The following SRGAP2 variants were observed in gnomAD, a reference collection of about 807,000 sequenced individuals.
SRGAP2 encodes SLIT-ROBO Rho GTPase-activating protein 2.
In SRGAP2, 15 loss-of-function variants were observed where a neutral mutation model predicts 57.2. That is an observed-to-expected ratio of 0.26 (90% CI 0.18 to 0.40). The LOEUF (loss-of-function observed/expected upper bound fraction) is 0.40. SRGAP2 is among the 10% of genes least tolerant of loss of function. SRGAP2 has a pLI of 1.00. For synonymous variants in SRGAP2, 249 were observed against 248.0 expected (o/e 1.00, Z -0.04); for missense variants, 520 against 669.6 (o/e 0.78, Z 2.47).
intron 3 of SRGAP2, among the ~76,000 whole-genome samples, chr1:206,324,397 T>C (rs1252085068): frequency 1.3e-5 from 2 of 152,380 alleles, no homozygotes; most frequent in East Asian, 3.9e-4. Context: ...TTTCTAGACG[T>C]TTATACCCTT....
At chr1:206,334,402 T>C (rs1674617850) in intron 3 of SRGAP2, among the ~76,000 whole-genome samples, 1 of 151,780 alleles carries the variant, frequency 6.6e-6, no homozygotes, top group South Asian at 2.1e-4. Flanking sequence ...CTGATGACTG[T>C]GTAGACTTCA....
rs1185692803 is a variant in SRGAP2, at chr1:206,463,131, C to T, written c.*1711C>T. ...CAACCTGCGAAATTGGTAGTTAGGT[C>T]TATGGAAAGTGGTAGGATTTTTTTT... On this transcript the variant is annotated 3_prime_UTR_variant, in exon 23 of 23. Coordinates refer to ENST00000573034, the MANE Select transcript of SRGAP2 (RefSeq NM_015326.5). 4.1e-5 allele frequency: 6 copies of T among 146,720 alleles called. No individual in the cohort carries two copies. Among genetic ancestry groups the T allele is most frequent in the African/African-American group, 1.5e-4 (6 of 39,654 alleles). 9.1% of individuals were successfully genotyped at this position (146,720 alleles called of 1,614,324 possible).
chr1:206,289,175 T>A (rs1333589824), intron 2 of SRGAP2, among the ~76,000 whole-genome samples: 2 of 140,684 alleles, frequency 1.4e-5, no homozygotes, highest in Non-Finnish European at 3.1e-5. Flanking sequence ...TTTTGTTTTA[T>A]CTGTATCCCT....
chr1:206,291,336 G>A (rs1301955107), intron 2 of SRGAP2, among the ~76,000 whole-genome samples: 8 of 152,226 alleles, frequency 5.3e-5, no homozygotes, highest in African/African-American at 1.9e-4. Flanking sequence ...GGGAGGAATT[G>A]TGGTTGCCTT....
intron 17 of SRGAP2, among the ~76,000 whole-genome samples, chr1:206,441,268 G>A (rs1260506164): frequency 6.6e-6 from 1 of 152,174 alleles, no homozygotes; most frequent in Non-Finnish European, 1.5e-5. Context: ...AACCCTTAAG[G>A]GAGAAACCAG....
intron 2 of SRGAP2, among the ~76,000 whole-genome samples, chr1:206,283,731 G>A (rs1444876640): frequency 6.8e-6 from 1 of 146,544 alleles, no homozygotes; most frequent in Non-Finnish European, 1.5e-5. Flanking sequence ...AACCCCCTCA[G>A]GAATTTAAAA....
intron 13 of SRGAP2, 71 bp downstream of exon 13, chr1:206,421,345 G>A (rs1660287854): frequency 2.5e-5 from 18 of 712,534 alleles, no homozygotes; most frequent in Admixed American, 1.9e-4. Flanking sequence ...TTTATTGAGC[G>A]CCACTGTGTG....
In SRGAP2 at chr1:206,372,898, CCTTTCTTT is replaced by C. The variant is rs1192198662; in HGVS notation, c.424-11063_424-11056del. ...TAGATTCCTTTCTTTCTTTCTCTCTCCTTTCTTTCTTTCTTTCTTTCTTTCTTTCTTTC... is the reference window on the plus strand; with the variant it reads ...TAGATTCCTTTCTTTCTTTCTCTCTCCTTTCTTTCTTTCTTTCTTTCTTTC... On this transcript the variant is annotated intron_variant, in intron 4 of 22. Coordinates refer to ENST00000573034, the MANE Select transcript of SRGAP2 (RefSeq NM_015326.5). Among the ~76,000 whole-genome samples the C allele has an allele frequency of 1.6e-3, 44 of 26,738 alleles. 1 individual carries two copies. Among genetic ancestry groups the C allele is most frequent in the Non-Finnish European group, 2.5e-3 (37 of 14,768 alleles). 17.5% of individuals were successfully genotyped at this position (26,738 alleles called of 152,430 possible).
intron 2 of SRGAP2, among the ~76,000 whole-genome samples, chr1:206,241,493 AAGTGGG>A (rs2102551499): frequency 6.7e-6 from 1 of 150,264 alleles, no homozygotes; most frequent in African/African-American, 2.4e-5. Context: ...CTCTGTGATG[AAGTGGG>A]CCACCCTAGG....
intron 2 of SRGAP2, among the ~76,000 whole-genome samples, chr1:206,208,778 A>G (rs562099463): frequency 4.0e-4 from 61 of 151,892 alleles, no homozygotes; most frequent in African/African-American, 1.5e-3. Context: ...TACAGATGCC[A>G]AGATAAAAAG....
intron 2 of SRGAP2, among the ~76,000 whole-genome samples, chr1:206,231,420 C>G (rs1329849211): frequency 6.6e-6 from 1 of 151,112 alleles, no homozygotes; most frequent in Admixed American, 6.6e-5. Context: ...GGAGGGCACT[C>G]TGGGGGAAGT....
intron 2 of SRGAP2, among the ~76,000 whole-genome samples, chr1:206,240,777 G>A (rs1668174010): frequency 6.6e-6 from 1 of 152,178 alleles, no homozygotes; most frequent in Non-Finnish European, 1.5e-5. Flanking sequence ...TAGGAACTGG[G>A]ATCCAGGATC....
chr1:206,419,304 A>G, intron 11 of SRGAP2, 69 bp from the exon 12 acceptor site: 1 of 776,142 alleles, frequency 1.3e-6, no homozygotes, highest in Non-Finnish European at 2.4e-6. Context: ...GGTAGTTACT[A>G]GGAGTGGGTC....
At chr1:206,425,692 G>A (rs1361456315) in intron 13 of SRGAP2, among the ~76,000 whole-genome samples, 2 of 151,624 alleles carry the variant, frequency 1.3e-5, no homozygotes, top group Non-Finnish European at 2.9e-5. Flanking sequence ...GCACCACAAC[G>A]CCTGGCTTAT....
intron 10 of SRGAP2, 31 bp from the exon 11 acceptor site, chr1:206,415,858 G>A (rs1553361630): frequency 1.3e-6 from 1 of 767,120 alleles, no homozygotes; most frequent in Non-Finnish European, 2.4e-6. Context: ...TCAGGAGTCT[G>A]ATTGCTCTTT....
At chr1:206,456,917 A>G (rs1553378676) in intron 21 of SRGAP2, among the ~76,000 whole-genome samples, 1 of 152,058 alleles carries the variant, frequency 6.6e-6, no homozygotes, top group Non-Finnish European at 1.5e-5. Context: ...ATCTCCCTTC[A>G]AGACTCAGTC....
intron 2 of SRGAP2, among the ~76,000 whole-genome samples, chr1:206,254,624 A>C: frequency 7.1e-6 from 1 of 141,380 alleles, no homozygotes; most frequent in Non-Finnish European, 1.6e-5. Flanking sequence ...GCTTTCTGGC[A>C]AAAAAAAAAA....
chr1:206,389,665 G>T (rs1553349666), intron 5 of SRGAP2, among the ~76,000 whole-genome samples: 2 of 151,746 alleles, frequency 1.3e-5, no homozygotes, highest in African/African-American at 4.8e-5. Context: ...CATTCTTTTT[G>T]TTTTTCTCAA....
At chr1:206,426,901 C>G (rs1037372616) in intron 13 of SRGAP2, among the ~76,000 whole-genome samples, 2 of 152,138 alleles carry the variant, frequency 1.3e-5, no homozygotes, top group Admixed American at 6.5e-5. Context: ...GATATCTTCT[C>G]CCATTCTTTA....
Sources: allele counts gnomAD v4.1 joint callset (sites outside exome capture counted in the v4.1 genomes callset), GRCh38; gene constraint gnomAD v4.1.1; transcripts MANE v1.5; gene names NCBI Gene and HGNC (gene_info 2026-07-23, HGNC 2026-07-21).